TM9SF4: variants seen among roughly 807,000 people sequenced by gnomAD.
TM9SF4 encodes the protein transmembrane 9 superfamily member 4.
In TM9SF4, 26 loss-of-function variants were observed where a neutral mutation model predicts 90.4. The observed-to-expected ratio is 0.29, with a 90% confidence interval of 0.21 to 0.40. TM9SF4 has a LOEUF of 0.40. Ranked by LOEUF, TM9SF4 falls within the 10% of genes least tolerant of loss-of-function variation. TM9SF4 has a pLI of 1.00. For missense variants in TM9SF4, 549 were observed against 834.8 expected, an observed-to-expected ratio of 0.66 and a Z score of 4.22; for synonymous variants, 293 against 315.4, an observed-to-expected ratio of 0.93 and a Z score of 0.75.
chr20:32,113,287 T>C (rs1195774544), intron 1 of TM9SF4, among the ~76,000 whole-genome samples: 1 of 152,192 alleles, frequency 6.6e-6, no homozygotes, highest in Non-Finnish European at 1.5e-5. Context: ...AGCCGCCAGC[T>C]CCCAGAACAA....
intron 1 of TM9SF4, among the ~76,000 whole-genome samples, chr20:32,121,830 G>T (rs1350210742): frequency 6.6e-6 from 1 of 150,720 alleles, no homozygotes; most frequent in Non-Finnish European, 1.5e-5. Context: ...CCGGGCGGGG[G>T]GCTGAACCCC....
intron 1 of TM9SF4, 22 bp downstream of exon 1, chr20:32,109,777 A>C: frequency 6.4e-7 from 1 of 1,551,378 alleles, no homozygotes; most frequent in Non-Finnish European, 8.7e-7. Flanking sequence ...AGACTCCGGG[A>C]GCGGGAGCTG....
chr20:32,109,883 T>G, intron 1 of TM9SF4, 128 bp downstream of exon 1: 2 of 1,514,260 alleles, frequency 1.3e-6, no homozygotes, highest in Non-Finnish European at 8.9e-7. Flanking sequence ...GAGGGCTACC[T>G]CTGACTGGGC....
chr20:32,137,073 CT>C (rs1209653045), intron 3 of TM9SF4: 7 of 454,902 alleles, frequency 1.5e-5, no homozygotes, highest in African/African-American at 1.2e-4. Context: ...CCATCTCCCC[CT>C]AATACCAACT....
intron 1 of TM9SF4, among the ~76,000 whole-genome samples, chr20:32,130,435 G>A (rs2046493778): frequency 6.6e-6 from 1 of 152,122 alleles, no homozygotes; most frequent in East Asian, 1.9e-4. Context: ...AGGAACAGAG[G>A]GGAATTAGAG....
chr20:32,121,973 C>CG (rs1222909677), intron 1 of TM9SF4, among the ~76,000 whole-genome samples: 1 of 141,824 alleles, frequency 7.1e-6, no homozygotes, highest in Non-Finnish European at 1.6e-5. Context: ...GCTGGCAGGG[C>CG]GGGGGGCTGA....
intron 14 of TM9SF4, among the ~76,000 whole-genome samples, chr20:32,158,232 A>AC (rs1273784844): frequency 2.0e-5 from 3 of 152,136 alleles, no homozygotes; most frequent in Admixed American, 2.0e-4. Context: ...TGGGCAAGTC[A>AC]CCCCACCTCT....
chr20:32,123,859 TATA>T (rs1339117884), intron 1 of TM9SF4, among the ~76,000 whole-genome samples: 3 of 72,650 alleles, frequency 4.1e-5, no homozygotes, highest in African/African-American at 2.8e-4. Flanking sequence ...TATATATATA[TATA>T]TATATTTTTT....
chr20:32,141,086 ATG>A (rs1569080003), intron 3 of TM9SF4, among the ~76,000 whole-genome samples: 3 of 151,602 alleles, frequency 2.0e-5, no homozygotes, highest in Admixed American at 6.6e-5. Flanking sequence ...GCGTGGTGGC[ATG>A]CACCTGTAGT....
chr20:32,144,385 A>T (rs577136613), intron 6 of TM9SF4, among the ~76,000 whole-genome samples: 6 of 152,370 alleles, frequency 3.9e-5, no homozygotes, highest in African/African-American at 1.2e-4. Flanking sequence ...ATTGATCACG[A>T]AAGTGCCAGG....
chr20:32,120,974 AC>A (rs1569046883), intron 1 of TM9SF4, among the ~76,000 whole-genome samples: 1 of 152,136 alleles, frequency 6.6e-6, no homozygotes, highest in Non-Finnish European at 1.5e-5. Context: ...CCTGGGATAA[AC>A]ACCACTTGGT....
intron 12 of TM9SF4, among the ~76,000 whole-genome samples, chr20:32,151,941 A>T (rs1220562228): frequency 1.3e-5 from 2 of 151,220 alleles, no homozygotes; most frequent in African/African-American, 4.9e-5. Context: ...GGCTCACTGC[A>T]AGCTCTGCCT....
At chr20:32,125,595 A>G (rs976253186) in intron 1 of TM9SF4, among the ~76,000 whole-genome samples, 1 of 151,776 alleles carries the variant, frequency 6.6e-6, no homozygotes, top group African/African-American at 2.4e-5. Context: ...AAGTTTCACC[A>G]CTGCATGTCA....
chr20:32,143,430 T>G (rs1355861878), intron 6 of TM9SF4, among the ~76,000 whole-genome samples: 1 of 152,224 alleles, frequency 6.6e-6, no homozygotes, highest in Non-Finnish European at 1.5e-5. Context: ...GGGGCTTTGT[T>G]GGGCCTCCTC....
chr20:32,162,444 C>A (rs2047030725), intron 17 of TM9SF4, among the ~76,000 whole-genome samples: 1 of 152,186 alleles, frequency 6.6e-6, no homozygotes, highest in Non-Finnish European at 1.5e-5. Context: ...GGCCAGCAGG[C>A]CTGTTTCTAT....
chr20:32,118,754 G>A (rs1600777106), intron 1 of TM9SF4, among the ~76,000 whole-genome samples: 3 of 152,114 alleles, frequency 2.0e-5, no homozygotes, highest in Admixed American at 2.0e-4. Flanking sequence ...TCCCACCTCA[G>A]CCTCCAGAGT....
intron 1 of TM9SF4, among the ~76,000 whole-genome samples, chr20:32,112,380 A>G (rs2046156163): frequency 6.6e-6 from 1 of 152,128 alleles, no homozygotes; most frequent in Non-Finnish European, 1.5e-5. Context: ...AGCTTTGGCA[A>G]CAGAGCGAGA....
intron 1 of TM9SF4, 146 bp downstream of exon 1, chr20:32,109,901 C>A: frequency 6.7e-7 from 1 of 1,483,602 alleles, no homozygotes; most frequent in South Asian, 1.3e-5. Context: ...GGCTTGTCTT[C>A]CCCGAAATCC....
rs763378782 is a variant in TM9SF4 at position 32,145,222 on chromosome 20, T to A, written c.771+13T>A. The A allele has an allele frequency of 6.2e-6, 10 of 1,613,848 alleles. No homozygotes were observed. Among genetic ancestry groups the A allele is most frequent in the Non-Finnish European group, 8.5e-6 (10 of 1,179,822 alleles). On this transcript the variant is annotated intron_variant, in intron 7 of 17. Transcript: ENST00000398022. ...TGTCCACTGGGAGGTGAGAAGGGGC[T>A]GGAGCTCATGGGCAGGGGAGGAGGG...
Sources: gnomAD v4.1 joint callset for allele counts (sites outside exome capture counted in the v4.1 genomes callset) on GRCh38, gnomAD v4.1.1 for gene constraint, MANE v1.5 for transcripts, NCBI Gene and HGNC (gene_info 2026-07-23, HGNC 2026-07-21) for gene names.